Variants in SCD5 observed in about 807,000 individuals in gnomAD.
SCD5 encodes the protein stearoyl-CoA desaturase 5.
Under a neutral mutation model 30.4 loss-of-function variants are expected in SCD5, and 20 were observed. The ratio of observed to expected loss-of-function variants is 0.66; its 90% CI spans 0.46 to 0.96. The LOEUF is 0.96. Ranked by LOEUF, SCD5 falls within the 40% of genes least tolerant of loss-of-function variation. The pLI is 0.00. For missense variants in SCD5, 381 were observed against 443.3 expected (o/e 0.86, Z 1.26); for synonymous variants, 173 against 176.4 (o/e 0.98, Z 0.16).
At chr4:82,736,653 A>G (rs1475202233) in intron 1 of SCD5, among the ~76,000 whole-genome samples, 1 of 152,014 alleles carries the variant, frequency 6.6e-6, no homozygotes, top group Non-Finnish European at 1.5e-5. Flanking sequence ...ATTTCATTTT[A>G]CAACATACTT....
intron 4 of SCD5, among the ~76,000 whole-genome samples, chr4:82,636,291 A>T (rs1045511302): frequency 6.6e-6 from 1 of 151,914 alleles, no homozygotes; most frequent in Non-Finnish European, 1.5e-5. Context: ...AAAAAAAAAA[A>T]AATACAAAAA....
At chr4:82,659,926 C>T (rs919353355) in intron 3 of SCD5, 1 of 151,352 alleles carries the variant, frequency 6.6e-6, no homozygotes, top group African/African-American at 2.4e-5. Flanking sequence ...TCAGGAGACC[C>T]ACCTCACGTG....
intron 1 of SCD5, among the ~76,000 whole-genome samples, chr4:82,761,403 CTT>C (rs140907860): frequency 0.016 from 2,473 of 152,294 alleles, 33 homozygotes; most frequent in Non-Finnish European, 0.026. Flanking sequence ...GGAGAGAACA[CTT>C]TATAGCAACT....
intron 1 of SCD5, among the ~76,000 whole-genome samples, chr4:82,765,344 A>G (rs1411712388): frequency 1.3e-5 from 2 of 152,238 alleles, no homozygotes; most frequent in Admixed American, 1.3e-4. Context: ...TGTTTCCAAC[A>G]AGAAGTCTGC....
chr4:82,682,643 T>C (rs558540047), intron 2 of SCD5, among the ~76,000 whole-genome samples: 2 of 152,098 alleles, frequency 1.3e-5, no homozygotes, highest in South Asian at 2.1e-4. Context: ...AGGGAAGAAA[T>C]TGTTTTGTTT....
chr4:82,676,043 T>C (rs987498244), intron 3 of SCD5, among the ~76,000 whole-genome samples: 2 of 152,202 alleles, frequency 1.3e-5, no homozygotes, highest in Non-Finnish European at 2.9e-5. Context: ...GTGGATAGGT[T>C]GTATCTTCTA....
At chr4:82,691,281 T>C (rs7655696) in intron 2 of SCD5, among the ~76,000 whole-genome samples, 121,684 of 152,128 alleles carry the variant, frequency 0.8, 48,874 homozygotes, top group Middle Eastern at 0.87. Context: ...CTGCCTTGGC[T>C]TCCCCAAGTG....
At chr4:82,780,938 C>G (rs1177536011) in intron 1 of SCD5, among the ~76,000 whole-genome samples, 1 of 152,208 alleles carries the variant, frequency 6.6e-6, no homozygotes, top group Admixed American at 6.5e-5. Flanking sequence ...TTCCTCTTCC[C>G]TATGAAGACA....
rs147077824 is a variant in SCD5 at position 82,776,362 on chromosome 4, C to A, written c.232+21944G>T. ...TTTGCATGTGAAAAAAAGATCATTT[C>A]GGCATCTGTGAATGTTGTGTCAATT... On this transcript the variant is annotated intron_variant, in intron 1 of 4. Coordinates refer to ENST00000319540, the MANE Select transcript of SCD5 (RefSeq NM_001037582.3). 4.6e-5 allele frequency among the ~76,000 whole-genome samples: 7 copies of A among 152,256 alleles called. No individual in the cohort carries two copies. The East Asian group carries it at 1.3e-3, about 29-fold the overall frequency.
intron 1 of SCD5, among the ~76,000 whole-genome samples, chr4:82,785,032 G>C (rs1721956913): frequency 6.6e-6 from 1 of 152,204 alleles, no homozygotes. Context: ...AGCTCTAATA[G>C]CTGTGACTTC....
rs1341937975 is a variant in SCD5, at chr4:82,631,436, G to C, written c.884C>G (p.Thr295Ser). 12 of 1,614,186 alleles carry C rather than the reference G, an allele frequency of 7.4e-6. No individual in the cohort carries two copies. The highest frequency in any genetic ancestry group is 1.0e-5 in the Non-Finnish European group (12 of 1,180,036). Residue 295 changes from threonine to serine, a missense_variant, in exon 5 of 5, where the codon ACC becomes AGC. Coordinates refer to ENST00000319540, the MANE Select transcript of SCD5 (RefSeq NM_001037582.3). ...SEFGLNFNPT[T>S]WFIDFMCWLG... ...CCAGCACATGAAATCAATGAACCAG[G>C]TGGTTGGGTTAAAATTTAAGCCAAA... is the stretch of plus-strand genomic sequence containing the variant.
intron 2 of SCD5, chr4:82,691,923 T>G (rs1719519087): frequency 6.6e-6 from 1 of 152,450 alleles, no homozygotes; most frequent in African/African-American, 2.4e-5. Flanking sequence ...CCTAATATTT[T>G]ACAGACATTC....
At chr4:82,757,465 T>C (rs1184406634) in intron 1 of SCD5, among the ~76,000 whole-genome samples, 1 of 152,212 alleles carries the variant, frequency 6.6e-6, no homozygotes, top group Non-Finnish European at 1.5e-5. Flanking sequence ...TGAATTGAAT[T>C]GCCCCCGTGA....
rs3749560 is a variant in SCD5, at chr4:82,789,804, T to C, written c.232+8502A>G. 5.0e-3 allele frequency among the ~76,000 whole-genome samples: 756 copies of C among 152,164 alleles called. 11 individuals are homozygous for C. Among genetic ancestry groups the C allele is most frequent in the East Asian group, 0.028 (145 of 5,178 alleles). On this transcript the variant is annotated intron_variant, in intron 1 of 4. Coordinates refer to ENST00000319540, the MANE Select transcript of SCD5 (RefSeq NM_001037582.3). Reference sequence around the variant, plus strand: ...TGGGAATCAGCTGCTAAAGAAAGAATGAGGGGGAATGGGAACAACCCCCTC... The same window carrying C: ...TGGGAATCAGCTGCTAAAGAAAGAACGAGGGGGAATGGGAACAACCCCCTC...
chr4:82,646,880 T>C (rs1727643359), intron 3 of SCD5, among the ~76,000 whole-genome samples: 1 of 152,228 alleles, frequency 6.6e-6, no homozygotes, highest in Non-Finnish European at 1.5e-5. Flanking sequence ...TGGAGTGCAG[T>C]GGTGTGATCT....
At position 82,718,892 on chromosome 4, in the gene SCD5, C is replaced by T. The variant is rs996111081; in HGVS notation, c.233-13479G>A. Among the ~76,000 whole-genome samples, 54 of 151,692 alleles carry T rather than the reference C, an allele frequency of 3.6e-4. 1 individual carries two copies. The highest frequency in any genetic ancestry group is 1.3e-3 in the African/African-American group (53 of 41,094). ...CTTGGTTCTTATGCATAAATTCCAA[C>T]CTAATTTTAATGAGTTGACTTATCA... On this transcript the variant is annotated intron_variant, in intron 1 of 4. Coordinates refer to ENST00000319540, the MANE Select transcript of SCD5 (RefSeq NM_001037582.3).
intron 1 of SCD5, among the ~76,000 whole-genome samples, chr4:82,731,129 G>C (rs72906430): frequency 0.011 from 1,616 of 152,262 alleles, 27 homozygotes; most frequent in African/African-American, 0.037. Context: ...GAACAACAAA[G>C]TGTCATTCTT....
At chr4:82,636,881 T>G (rs1347211801) in intron 3 of SCD5, 58 bp from the exon 4 acceptor site, 2 of 1,421,632 alleles carry the variant, frequency 1.4e-6, no homozygotes, top group Non-Finnish European at 9.5e-7. Context: ...GAGGATGGGC[T>G]GAGCAAGTCA....
At chr4:82,640,339 A>G (rs1177237573) in intron 3 of SCD5, among the ~76,000 whole-genome samples, 3 of 152,192 alleles carry the variant, frequency 2.0e-5, no homozygotes, top group African/African-American at 4.8e-5. Flanking sequence ...GGCTTCCCCA[A>G]CTAGAACCAC....
Sources: allele counts gnomAD v4.1 joint callset (sites outside exome capture counted in the v4.1 genomes callset), GRCh38; gene constraint gnomAD v4.1.1; transcripts MANE v1.5; gene names NCBI Gene and HGNC (gene_info 2026-07-23, HGNC 2026-07-21).